The following TOGARAM1 variants were observed in gnomAD, a reference collection of about 807,000 sequenced individuals.
TOGARAM1 encodes the protein TOG array regulator of axonemal microtubules protein 1.
Under a neutral mutation model 166.6 loss-of-function variants are expected in TOGARAM1, and 100 were observed. That is an observed-to-expected ratio of 0.60 (90% CI 0.51 to 0.71). TOGARAM1 has a LOEUF of 0.71. TOGARAM1 is among the 30% of genes least tolerant of loss of function. The pLI is 0.00. For synonymous variants in TOGARAM1, 758 were observed against 763.8 expected, an observed-to-expected ratio of 0.99 and a Z score of 0.13; for missense variants, 2,029 against 2,102.7, an observed-to-expected ratio of 0.96 and a Z score of 0.69.
intron 3 of TOGARAM1, among the ~76,000 whole-genome samples, chr14:45,001,909 T>C (rs1887706439): frequency 6.6e-6 from 1 of 152,178 alleles, no homozygotes; most frequent in Admixed American, 6.5e-5. Flanking sequence ...GGGTTGAAGG[T>C]GTTCTTAAAT....
chr14:44,986,125 G>A (rs1245374680), intron 1 of TOGARAM1, among the ~76,000 whole-genome samples: 1 of 152,134 alleles, frequency 6.6e-6, no homozygotes, highest in Non-Finnish European at 1.5e-5. Flanking sequence ...GGAAATTTAA[G>A]AAATTTAAGT....
intron 16 of TOGARAM1, among the ~76,000 whole-genome samples, chr14:45,060,896 G>A (rs918690795): frequency 6.6e-6 from 1 of 152,124 alleles, no homozygotes; most frequent in Non-Finnish European, 1.5e-5. Flanking sequence ...GTTTCTGCTA[G>A]GCACTGTACT....
intron 10 of TOGARAM1, among the ~76,000 whole-genome samples, chr14:45,029,862 C>T (rs1881059289): frequency 6.6e-6 from 1 of 152,038 alleles, no homozygotes; most frequent in Admixed American, 6.6e-5. Context: ...TGCTCTGTCG[C>T]CCAGGCTGGA....
intron 18 of TOGARAM1, among the ~76,000 whole-genome samples, chr14:45,071,416 G>C (rs1314748075): frequency 6.6e-6 from 1 of 151,670 alleles, no homozygotes; most frequent in Non-Finnish European, 1.5e-5. Context: ...TTTAGAGACA[G>C]AGTGTCACTC....
intron 1 of TOGARAM1, among the ~76,000 whole-genome samples, chr14:44,967,836 T>C (rs1015561143): frequency 1.8e-4 from 28 of 152,216 alleles, no homozygotes; most frequent in Non-Finnish European, 3.4e-4. Flanking sequence ...ATCCCAAAAC[T>C]TGTAGATTTT....
chr14:45,058,491 C>T (rs1335576449), intron 16 of TOGARAM1, among the ~76,000 whole-genome samples: 1 of 152,100 alleles, frequency 6.6e-6, no homozygotes, highest in East Asian at 1.9e-4. Context: ...GACGGGGTTT[C>T]ACTATGTTGG....
At chr14:44,991,599 G>A (rs1406620591) in intron 1 of TOGARAM1, among the ~76,000 whole-genome samples, 2 of 152,168 alleles carry the variant, frequency 1.3e-5, no homozygotes, top group Non-Finnish European at 2.9e-5. Flanking sequence ...GATTGTAATA[G>A]TGAAAAGTCG....
chr14:45,053,432 G>A (rs1390828755), intron 15 of TOGARAM1, among the ~76,000 whole-genome samples: 3 of 151,932 alleles, frequency 2.0e-5, no homozygotes, highest in Non-Finnish European at 4.4e-5. Context: ...AATAAAATAT[G>A]AAAAGTAATC....
chr14:45,009,255 A>G, intron 6 of TOGARAM1, 110 bp downstream of exon 6: 1 of 799,840 alleles, frequency 1.3e-6, no homozygotes, highest in Non-Finnish European at 1.9e-6. Flanking sequence ...AGTTTTTAAA[A>G]TGTTAAAATA....
At chr14:45,053,353 AT>A (rs1882475252) in intron 15 of TOGARAM1, among the ~76,000 whole-genome samples, 1 of 152,044 alleles carries the variant, frequency 6.6e-6, no homozygotes, top group African/African-American at 2.4e-5. Context: ...GCCATGTCTT[AT>A]TTGTCCTGGT....
rs1341227542 is a variant in TOGARAM1 at position 45,004,153 on chromosome 14, G to A, written c.2431G>A (p.Gly811Arg). 1 of 1,613,962 alleles carries A rather than the reference G, an allele frequency of 6.2e-7. No individual in the cohort carries two copies. The highest frequency in any genetic ancestry group is 8.5e-7 in the Non-Finnish European group (1 of 1,180,004). ...TSSNGQNPSP[G>R]AYILPSYPVS... ...CTCAAATGGTCAAAATCCAAGTCCA[G>A]GAGCTTACATCCTTCCATCCTATCC... Residue 811 changes from glycine to arginine, a missense_variant, in exon 4 of 20, where the codon GGA (glycine) becomes AGA (arginine). Physicochemically the swap from Gly to Arg is moderately radical, Grantham distance 125 (BLOSUM62 -2). Around this residue, in one of 2 missense-constraint regions of TOGARAM1, gnomAD observed 1,453 missense variants for 1,432.2 expected, o/e 1.01. Coordinates refer to ENST00000361462, the MANE Select transcript of TOGARAM1 (RefSeq NM_001308120.2).
chr14:45,037,100 T>C (rs1881474547), intron 11 of TOGARAM1, among the ~76,000 whole-genome samples: 1 of 152,136 alleles, frequency 6.6e-6, no homozygotes. Flanking sequence ...TCCTGGGACA[T>C]AGCCAAACCC....
At chr14:44,991,166 C>G (rs1264411890) in intron 1 of TOGARAM1, among the ~76,000 whole-genome samples, 1 of 151,908 alleles carries the variant, frequency 6.6e-6, no homozygotes, top group Non-Finnish European at 1.5e-5. Context: ...CCATGTTGCC[C>G]AGGCTGGTCT....
At chr14:45,027,241 T>G in intron 8 of TOGARAM1, 58 bp from the exon 9 acceptor site, 1 of 1,549,534 alleles carries the variant, frequency 6.5e-7, no homozygotes, top group Non-Finnish European at 8.7e-7. Context: ...TAAACTTTGT[T>G]GTCTAGAGTA....
At chr14:44,977,733 C>T (rs1051619128) in intron 1 of TOGARAM1, among the ~76,000 whole-genome samples, 2 of 151,998 alleles carry the variant, frequency 1.3e-5, no homozygotes, top group Admixed American at 1.3e-4. Flanking sequence ...GCAACTTCCA[C>T]CTCCCAGGGT....
Position 45,062,741 on chromosome 14 carries a change from A to G in TOGARAM1, c.4560-3837A>G, listed in dbSNP as rs147865951. On this transcript the variant is annotated intron_variant, in intron 16 of 19. Transcript: ENST00000361462. ...TGTGGTAGATTATTTGCCCCAGTAT[A>G]GGATAATGTAAGTGTTCTGAACATG... Among the ~76,000 whole-genome samples, 431 of 152,336 alleles carry G rather than the reference A, an allele frequency of 2.8e-3. 2 individuals are homozygous for G. Among genetic ancestry groups the G allele is most frequent in the Non-Finnish European group, 4.0e-3 (271 of 68,020 alleles).
intron 10 of TOGARAM1, among the ~76,000 whole-genome samples, chr14:45,029,223 G>A (rs72672912): frequency 0.068 from 10,306 of 152,180 alleles, 476 homozygotes; most frequent in Non-Finnish European, 0.097. Flanking sequence ...AAGCCTCTTA[G>A]CATTCTCAGA....
intron 1 of TOGARAM1, among the ~76,000 whole-genome samples, chr14:44,976,991 G>C (rs898072993): frequency 6.6e-6 from 1 of 152,034 alleles, no homozygotes; most frequent in African/African-American, 2.4e-5. Context: ...AATTGCTAAC[G>C]ATTAAAAGCA....
At chr14:44,980,083 G>C (rs1264887906) in intron 1 of TOGARAM1, among the ~76,000 whole-genome samples, 4 of 152,066 alleles carry the variant, frequency 2.6e-5, no homozygotes, top group Non-Finnish European at 5.9e-5. Context: ...ACTCCACATA[G>C]CAGGTCTCAG....
Sources: gnomAD v4.1 joint callset for allele counts (sites outside exome capture counted in the v4.1 genomes callset) on GRCh38, gnomAD v4.1.1 for gene constraint, gnomAD v4.1.1 regional missense constraint, MANE v1.5 for transcripts, NCBI Gene and HGNC (gene_info 2026-07-23, HGNC 2026-07-21) for gene names.